The following PPP6R3 variants were observed in gnomAD, a reference collection of about 807,000 sequenced individuals.
The protein encoded by PPP6R3 is serine/threonine-protein phosphatase 6 regulatory subunit 3.
A neutral mutation model predicts 110.7 loss-of-function variants in PPP6R3; 38 were observed. The ratio of observed to expected loss-of-function variants is 0.34; its 90% CI spans 0.26 to 0.45. The LOEUF is 0.45. Ranked by LOEUF, PPP6R3 falls within the 20% of genes least tolerant of loss-of-function variation. The probability of loss-of-function intolerance (pLI) is 1.00; values close to 1 mark genes in which losing one functional copy is unlikely to be tolerated. For synonymous variants in PPP6R3, 369 were observed against 373.5 expected, an observed-to-expected ratio of 0.99 and a Z score of 0.14; for missense variants, 870 against 1,062.4, an observed-to-expected ratio of 0.82 and a Z score of 2.52.
chr11:68,551,245 T>C, intron 6 of PPP6R3, 59 bp downstream of exon 6: 2 of 1,291,460 alleles, frequency 1.5e-6, no homozygotes, highest in South Asian at 2.5e-5. Context: ...AAACTGTTTA[T>C]TGGGCACAGA....
intron 10 of PPP6R3, among the ~76,000 whole-genome samples, chr11:68,567,645 G>A (rs1246564703): frequency 1.3e-5 from 2 of 152,198 alleles, no homozygotes; most frequent in Non-Finnish European, 2.9e-5. Context: ...GCCCAGGGAT[G>A]ATTTAGGTCT....
intron 3 of PPP6R3, among the ~76,000 whole-genome samples, chr11:68,538,253 G>A (rs963238132): frequency 1.3e-5 from 2 of 152,230 alleles, no homozygotes; most frequent in African/African-American, 4.8e-5. Flanking sequence ...GTCAGAGCTT[G>A]GGGTTGTGAA....
At chr11:68,511,358 C>A (rs1477126004) in intron 1 of PPP6R3, among the ~76,000 whole-genome samples, 2 of 152,032 alleles carry the variant, frequency 1.3e-5, no homozygotes, top group Admixed American at 6.5e-5. Context: ...AGCCACCGCG[C>A]CCGGCCCATG....
At chr11:68,580,585 G>A (rs1332012659) in intron 14 of PPP6R3, among the ~76,000 whole-genome samples, 1 of 151,992 alleles carries the variant, frequency 6.6e-6, no homozygotes, top group African/African-American at 2.4e-5. Context: ...CAAGATGACC[G>A]AGGTTTCTAG....
intron 2 of PPP6R3, among the ~76,000 whole-genome samples, chr11:68,524,383 C>T (rs1452554318): frequency 6.6e-6 from 1 of 152,088 alleles, no homozygotes; most frequent in Non-Finnish European, 1.5e-5. Flanking sequence ...CATGTGGTTG[C>T]CAGACTCTTT....
At chr11:68,481,472 TTCATCAAACTTCAAAGA>T in intron 1 of PPP6R3, among the ~76,000 whole-genome samples, 1 of 152,226 alleles carries the variant, frequency 6.6e-6, no homozygotes, top group South Asian at 2.1e-4. Context: ...GCAATGTAAC[TTCATCAAACTTCAAAGA>T]GCCAAGCTTG....
chr11:68,609,160 AGT>A (rs1942010283), intron 22 of PPP6R3, among the ~76,000 whole-genome samples: 1 of 152,086 alleles, frequency 6.6e-6, no homozygotes, highest in Non-Finnish European at 1.5e-5. Flanking sequence ...AGCTGAGGAG[AGT>A]GTCTCTTGTG....
intron 19 of PPP6R3, among the ~76,000 whole-genome samples, chr11:68,597,176 G>A (rs955774054): frequency 1.1e-4 from 16 of 152,204 alleles, no homozygotes; most frequent in African/African-American, 3.1e-4. Flanking sequence ...GCTTGGGGTC[G>A]GCTGGGGAAG....
At chr11:68,477,741 A>AAAATATATATATATATATATATATAT in intron 1 of PPP6R3, among the ~76,000 whole-genome samples, 4 of 57,906 alleles carry the variant, frequency 6.9e-5, no homozygotes, top group Non-Finnish European at 1.0e-4. Flanking sequence ...AAAAAAAAAA[A>AAAATATATATATATATATATATATAT]ATATATATAT....
At chr11:68,462,089 A>T (rs1342236486) in intron 1 of PPP6R3, among the ~76,000 whole-genome samples, 1 of 152,164 alleles carries the variant, frequency 6.6e-6, no homozygotes, top group Non-Finnish European at 1.5e-5. Flanking sequence ...GTTTGTCAGG[A>T]TAATTGCCCT....
intron 2 of PPP6R3, among the ~76,000 whole-genome samples, chr11:68,527,504 G>GTT (rs1455684893): frequency 1.3e-5 from 2 of 152,144 alleles, no homozygotes; most frequent in African/African-American, 2.4e-5. Context: ...CCCAAAAGAG[G>GTT]TTTGTCCTCT....
intron 5 of PPP6R3, among the ~76,000 whole-genome samples, chr11:68,549,350 C>T (rs542834525): frequency 1.3e-5 from 2 of 152,286 alleles, no homozygotes; most frequent in East Asian, 3.9e-4. Flanking sequence ...CTAGGAGGGC[C>T]TATGAGGAGG....
intron 9 of PPP6R3, among the ~76,000 whole-genome samples, chr11:68,566,451 C>T (rs1466517403): frequency 2.0e-5 from 3 of 152,046 alleles, no homozygotes; most frequent in African/African-American, 4.8e-5. Flanking sequence ...CCTCAACTTC[C>T]GCAGGCCCAG....
intron 1 of PPP6R3, among the ~76,000 whole-genome samples, chr11:68,494,975 G>A (rs2153454115): frequency 6.6e-6 from 1 of 152,326 alleles, no homozygotes; most frequent in South Asian, 2.1e-4. Context: ...TGCCTGTGAA[G>A]TGCCAGGCTC....
At chr11:68,562,349 G>T (rs1008529785) in intron 8 of PPP6R3, among the ~76,000 whole-genome samples, 2 of 152,198 alleles carry the variant, frequency 1.3e-5, no homozygotes, top group African/African-American at 4.8e-5. Context: ...ACTCAGTATT[G>T]TTAAGATGTC....
chr11:68,580,645 G>A (rs2099549847), intron 14 of PPP6R3, among the ~76,000 whole-genome samples: 1 of 151,936 alleles, frequency 6.6e-6, no homozygotes. Context: ...GCCTCAAAAG[G>A]AGTGTGTTTG....
chr11:68,486,758 T>C (rs964857438), intron 1 of PPP6R3, among the ~76,000 whole-genome samples: 1 of 152,158 alleles, frequency 6.6e-6, no homozygotes, highest in Non-Finnish European at 1.5e-5. Context: ...AAGGTTATTA[T>C]TCAAATTTTA....
intron 15 of PPP6R3, among the ~76,000 whole-genome samples, chr11:68,583,392 T>C (rs950616606): frequency 3.3e-5 from 5 of 152,236 alleles, no homozygotes; most frequent in Admixed American, 6.5e-5. Flanking sequence ...ACTGAATAGT[T>C]AAGAAGGCAT....
Position 68,515,384 on chromosome 11 carries a change from C to T in PPP6R3, c.-157-4117C>T, listed in dbSNP as rs1044884662. On this transcript the variant is annotated intron_variant, in intron 1 of 23. Transcript: ENST00000393800. ...TCCACAAGGCAGACACAGCACAGTA[C>T]CACAGGAGATGGCTGGGACAAAGAA... Among the ~76,000 whole-genome samples the T allele has an allele frequency of 1.2e-4, 19 of 152,376 alleles. No individual in the cohort carries two copies. The South Asian group carries it at 3.9e-3, about 32-fold the overall frequency.
Sources: allele counts gnomAD v4.1 joint callset (sites outside exome capture counted in the v4.1 genomes callset), GRCh38; gene constraint gnomAD v4.1.1; transcripts MANE v1.5; gene names NCBI Gene and HGNC (gene_info 2026-07-23, HGNC 2026-07-21).